Variants in PSMD1 observed in about 807,000 individuals in gnomAD.
PSMD1 encodes the protein proteasome 26S subunit, non-ATPase 1.
PSMD1 carries 18 observed loss-of-function variants against 119.0 expected under a neutral mutation model. The ratio of observed to expected loss-of-function variants is 0.15; its 90% CI spans 0.10 to 0.22. The LOEUF is 0.22. Among genes scored for constraint, PSMD1 ranks in the 10% least tolerant of loss-of-function variants. The pLI, the probability that PSMD1 is intolerant of heterozygous loss-of-function variation, is 1.00. For missense variants in PSMD1, 702 were observed against 1,158.5 expected (o/e 0.61, Z 5.72); for synonymous variants, 374 against 396.6 (o/e 0.94, Z 0.68).
chr2:231,106,165 T>C (rs1694969810), intron 16 of PSMD1, among the ~76,000 whole-genome samples: 1 of 152,174 alleles, frequency 6.6e-6, no homozygotes, highest in Non-Finnish European at 1.5e-5. Flanking sequence ...TTTAAAGTAT[T>C]CATAAAATGG....
At chr2:231,147,382 C>A (rs2125255172) in intron 18 of PSMD1, among the ~76,000 whole-genome samples, 1 of 152,234 alleles carries the variant, frequency 6.6e-6, no homozygotes, top group East Asian at 1.9e-4. Context: ...CCTGTAGTCC[C>A]AGCTATTTGG....
intron 20 of PSMD1, among the ~76,000 whole-genome samples, chr2:231,162,843 AAG>A (rs1696673249): frequency 6.6e-6 from 1 of 151,270 alleles, no homozygotes; most frequent in Non-Finnish European, 1.5e-5. Flanking sequence ...AAAAAAAAGA[AAG>A]AAAGAAAGAA....
intron 15 of PSMD1, 74 bp downstream of exon 15, chr2:231,085,188 C>A: frequency 8.1e-7 from 1 of 1,236,462 alleles, no homozygotes; most frequent in Non-Finnish European, 1.2e-6. Flanking sequence ...GTCTAGGTGA[C>A]TCCAGCATCC....
rs1694008276 is a variant in PSMD1, at chr2:231,070,124, A to C, written c.610A>C (p.Ile204Leu). Reference sequence around the variant, plus strand: ...TAAAGTACTAAGAGTTCTAGTTAAAATCTACATGAACTTGGAGAAACCTGA... The same window carrying C: ...TAAAGTACTAAGAGTTCTAGTTAAACTCTACATGAACTTGGAGAAACCTGA... ...RNKVLRVLVK[I>L]YMNLEKPDFI... The change falls in exon 6 of 25, where the codon ATC becomes CTC. Residue 204 changes from isoleucine to leucine, a missense_variant. This residue lies in a region of PSMD1 where 32 missense variants were observed against 77.1 expected (regional missense o/e 0.42). Coordinates refer to ENST00000308696, the MANE Select transcript of PSMD1 (RefSeq NM_002807.4). The C allele has an allele frequency of 6.4e-7, 1 of 1,568,784 alleles. No individual in the cohort carries two copies. Among genetic ancestry groups the C allele is most frequent in the African/African-American group, 1.4e-5 (1 of 72,746 alleles).
At chr2:231,072,549 T>C in intron 7 of PSMD1, 134 bp downstream of exon 7, 3 of 759,214 alleles carry the variant, frequency 4.0e-6, no homozygotes, top group Non-Finnish European at 6.3e-6. Flanking sequence ...TAAAGTCTTA[T>C]TAGGCTGTTG....
rs1696886843 is a variant in PSMD1 at position 231,170,397 on chromosome 2, A to G, written c.2716-169A>G. ...TAGAGCTACTGGGTTAAGTTTGCAA[A>G]TACTTCGTATAGATCACAGTTATCT... On this transcript the variant is annotated intron_variant, in intron 23 of 24. Coordinates refer to ENST00000308696, the MANE Select transcript of PSMD1 (RefSeq NM_002807.4). This position sits in a 1 kb window ranked among gnomAD's most constrained non-coding sequence, Gnocchi z 4.1. The G allele has an allele frequency of 1.6e-6, 1 of 628,096 alleles. No homozygotes were observed. The highest frequency in any genetic ancestry group is 3.6e-4 in the Middle Eastern group (1 of 2,752). 38.9% of individuals were successfully genotyped at this position (628,096 alleles called of 1,614,324 possible).
chr2:231,113,653 C>T (rs1695232197), intron 16 of PSMD1: 5 of 1,306,962 alleles, frequency 3.8e-6, no homozygotes, highest in Non-Finnish European at 4.4e-6. Context: ...TCATTGCCTA[C>T]CAGACCTGGT....
At chr2:231,157,302 A>G (rs1184961107) in intron 19 of PSMD1, among the ~76,000 whole-genome samples, 5 of 151,442 alleles carry the variant, frequency 3.3e-5, no homozygotes, top group Non-Finnish European at 7.4e-5. Flanking sequence ...ATATAAAATT[A>G]TATATTAAGA....
chr2:231,078,580 A>G (rs1694223357), intron 9 of PSMD1, 79 bp from the exon 10 acceptor site: 2 of 952,462 alleles, frequency 2.1e-6, no homozygotes, highest in Non-Finnish European at 1.5e-6. Context: ...ACAAAATAGG[A>G]CCTCTGACTG....
chr2:231,105,051 A>G (rs1439041638), intron 16 of PSMD1, among the ~76,000 whole-genome samples: 4 of 152,164 alleles, frequency 2.6e-5, no homozygotes, highest in Non-Finnish European at 4.4e-5. Flanking sequence ...ATGTTAGTAA[A>G]CACATATTTG....
At chr2:231,092,791 A>T (rs1294205694) in intron 16 of PSMD1, among the ~76,000 whole-genome samples, 1 of 152,216 alleles carries the variant, frequency 6.6e-6, no homozygotes, top group Non-Finnish European at 1.5e-5. Flanking sequence ...TCTTTAGCAC[A>T]GGAAGGAATG....
chr2:231,063,138 T>C (rs947565339), intron 4 of PSMD1, among the ~76,000 whole-genome samples: 1 of 152,190 alleles, frequency 6.6e-6, no homozygotes, highest in African/African-American at 2.4e-5. Flanking sequence ...AAGGATAAAA[T>C]TTAAAACCTG....
chr2:231,098,058 G>A lies in PSMD1; in HGVS notation c.1883+10877G>A, dbSNP rs180950854. Among the ~76,000 whole-genome samples the A allele has an allele frequency of 1.8e-3, 278 of 152,352 alleles. 4 individuals are homozygous for A. The highest frequency in any genetic ancestry group is 0.01 in the South Asian group (50 of 4,826). ...ACATGAATTGAACTTAGTGTTGGGA[G>A]ACGGAAGCTGGATGGCCCTCGGGGG... On this transcript the variant is annotated intron_variant, in intron 16 of 24. Coordinates refer to ENST00000308696, the MANE Select transcript of PSMD1 (RefSeq NM_002807.4).
chr2:231,078,626 A>G (rs777406020), intron 9 of PSMD1, 33 bp from the exon 10 acceptor site: 37 of 1,547,814 alleles, frequency 2.4e-5, no homozygotes, highest in Non-Finnish European at 3.2e-5. Flanking sequence ...ATACTTTGCC[A>G]GTGATGAAAC....
Position 231,067,093 on chromosome 2 carries a change from A to G in PSMD1, c.492A>G (p.Glu164=), listed in dbSNP as rs1693926434. Residue 164 remains glutamate, a synonymous_variant, in exon 5 of 25, where the codon GAA becomes GAG. Transcript: ENST00000308696. The part of the protein sequence containing the change: ...ALETRRLDVF[E]KTILESNDVP... ...AGACACGAAGACTGGACGTCTTTGA[A>G]AAGACCATACTGGAGTCGGTAGGTA... 1 of 1,606,324 alleles carries G rather than the reference A, an allele frequency of 6.2e-7. No homozygotes were observed.
rs1207329150 is a variant in PSMD1, at chr2:231,077,099, G to A, written c.1008G>A (p.Glu336=). Residue 336 remains glutamate, a synonymous_variant, in exon 9 of 25, where the codon GAG becomes GAA. Coordinates refer to ENST00000308696, the MANE Select transcript of PSMD1 (RefSeq NM_002807.4). ...TTTTAAGTGGTGAAATGGCTATTGAGTTACATCTGCAGTTCTTAATACGAA... is the reference window on the plus strand; with the variant it reads ...TTTTAAGTGGTGAAATGGCTATTGAATTACATCTGCAGTTCTTAATACGAA... The part of the protein sequence containing the change: ...IKILSGEMAI[E]LHLQFLIRNN... 5 of 1,600,522 alleles carry A rather than the reference G, an allele frequency of 3.1e-6. No individual in the cohort carries two copies. The highest frequency in any genetic ancestry group is 2.2e-5 in the South Asian group (2 of 89,862).
rs371732008 is a variant in PSMD1, at chr2:231,169,862, A to G, written c.2716-704A>G. Among the ~76,000 whole-genome samples, 16 of 152,294 alleles carry G rather than the reference A, an allele frequency of 1.1e-4. No homozygotes were observed. In the East Asian group the frequency reaches 1.9e-3, roughly 18 times the overall value. On this transcript the variant is annotated intron_variant, in intron 23 of 24. Transcript: ENST00000308696. ...TGTAATATGTTTGGGAGAGGGCTTA[A>G]TAGAATTGCTGCTACAGTCTACTTC...
intron 6 of PSMD1, among the ~76,000 whole-genome samples, chr2:231,070,572 C>T (rs1408211020): frequency 6.6e-6 from 1 of 152,034 alleles, no homozygotes; most frequent in Non-Finnish European, 1.5e-5. Flanking sequence ...CACACCAAAA[C>T]ATTTGGGTAT....
intron 16 of PSMD1, among the ~76,000 whole-genome samples, chr2:231,095,676 T>G (rs1694706197): frequency 6.6e-6 from 1 of 152,224 alleles, no homozygotes; most frequent in African/African-American, 2.4e-5. Flanking sequence ...ATGCAAATTT[T>G]TCTCTGTCCT....
Sources: allele counts gnomAD v4.1 joint callset (sites outside exome capture counted in the v4.1 genomes callset), GRCh38; gene constraint gnomAD v4.1.1; regional missense constraint gnomAD v4.1.1; non-coding constraint Gnocchi (gnomAD v3.1); transcripts MANE v1.5; gene names NCBI Gene and HGNC (gene_info 2026-07-23, HGNC 2026-07-21).